Variants in HMCN1 observed in about 807,000 individuals in gnomAD.
HMCN1 encodes hemicentin 1, also known as hemicentin-1.
HMCN1 carries 321 observed loss-of-function variants against 625.9 expected under a neutral mutation model. That is an observed-to-expected ratio of 0.51 (90% CI 0.47 to 0.56). The LOEUF (loss-of-function observed/expected upper bound fraction) is 0.56. Among genes scored for constraint, HMCN1 ranks in the 20% least tolerant of loss-of-function variants. The pLI is 0.00. For synonymous variants in HMCN1, 2,425 were observed against 2,417.6 expected, an observed-to-expected ratio of 1.00 and a Z score of -0.09; for missense variants, 6,588 against 6,887.3, an observed-to-expected ratio of 0.96 and a Z score of 1.54.
intron 69 of HMCN1, among the ~76,000 whole-genome samples, chr1:186,106,143 A>G (rs1660596583): frequency 6.6e-6 from 1 of 152,222 alleles, no homozygotes; most frequent in Non-Finnish European, 1.5e-5. Context: ...GTAGTAAAAT[A>G]AATGAGAACA....
At chr1:186,023,528 T>C (rs1654861948) in intron 36 of HMCN1, among the ~76,000 whole-genome samples, 1 of 152,130 alleles carries the variant, frequency 6.6e-6, no homozygotes, top group African/African-American at 2.4e-5. Context: ...AAGGATTTAG[T>C]GAGTAGAAGC....
At chr1:185,829,152 G>A (rs1660701319) in intron 1 of HMCN1, among the ~76,000 whole-genome samples, 1 of 152,026 alleles carries the variant, frequency 6.6e-6, no homozygotes, top group African/African-American at 2.4e-5. Flanking sequence ...TGAACAATTT[G>A]AAAAATTGAA....
intron 1 of HMCN1, among the ~76,000 whole-genome samples, chr1:185,757,252 C>T (rs1262225385): frequency 1.3e-5 from 2 of 152,104 alleles, no homozygotes; most frequent in South Asian, 2.1e-4. Context: ...GGATTACAGG[C>T]GTGAGCCACT....
At chr1:185,780,970 C>G (rs1242332290) in intron 1 of HMCN1, among the ~76,000 whole-genome samples, 1 of 151,890 alleles carries the variant, frequency 6.6e-6, no homozygotes, top group Non-Finnish European at 1.5e-5. Flanking sequence ...TGTGAATCCA[C>G]CTGGTCCTGG....
intron 4 of HMCN1, among the ~76,000 whole-genome samples, chr1:185,895,040 C>T (rs979981400): frequency 2.0e-5 from 3 of 152,166 alleles, no homozygotes; most frequent in Admixed American, 6.5e-5. Context: ...ATGTGAATGC[C>T]TGGGAGTTGG....
At chr1:186,081,476 A>T (rs1659167650) in intron 56 of HMCN1, 82 bp downstream of exon 56, 1 of 946,292 alleles carries the variant, frequency 1.1e-6, no homozygotes, top group African/African-American at 1.7e-5. Context: ...TTTAAAAATA[A>T]TTTTTATTAG....
rs771269323 is a variant in HMCN1 at position 185,734,857 on chromosome 1, C to G, written c.78C>G (p.Pro26=). 1 of 1,614,070 alleles carries G rather than the reference C, an allele frequency of 6.2e-7. No individual in the cohort carries two copies. Among genetic ancestry groups the G allele is most frequent in the Non-Finnish European group, 8.5e-7 (1 of 1,179,934 alleles). The part of the protein sequence containing the change: ...LYSSLAQDAS[P]QSEIRAEEIP... The stretch of plus-strand genomic sequence containing the variant: ...CTTCCCTAGCTCAAGATGCGAGCCC[C>G]CAGTCAGAGATCAGAGCTGAGGAAA... Residue 26 remains proline (P), a synonymous_variant, in exon 1 of 107, where the codon CCC becomes CCG. Transcript: ENST00000271588.
chr1:185,878,687 C>T (rs1052586620), intron 4 of HMCN1, among the ~76,000 whole-genome samples: 2 of 152,048 alleles, frequency 1.3e-5, no homozygotes, highest in African/African-American at 4.8e-5. Flanking sequence ...TTATCGACTT[C>T]ATTTTTACAG....
At chr1:185,790,755 C>T (rs1657932601) in intron 1 of HMCN1, among the ~76,000 whole-genome samples, 1 of 152,200 alleles carries the variant, frequency 6.6e-6, no homozygotes, top group Non-Finnish European at 1.5e-5. Context: ...AAATGCCACA[C>T]ACATTCTCCG....
chr1:185,919,843 G>A (rs1275054518), intron 6 of HMCN1, among the ~76,000 whole-genome samples: 2 of 152,130 alleles, frequency 1.3e-5, no homozygotes, highest in African/African-American at 2.4e-5. Flanking sequence ...AGGGACTTTT[G>A]TGAGGATTAA....
rs950102405 is a variant in HMCN1, at chr1:186,164,797, C to A, written c.15257-314C>A. On this transcript the variant is annotated intron_variant, in intron 97 of 106. Transcript: ENST00000271588. ...CAATGGCTGGAAGAACAGGACTTTG[C>A]CCATGGTTATGCCTGGCATATACAT... is the stretch of plus-strand genomic sequence containing the variant. Among the ~76,000 whole-genome samples, 4 of 152,276 alleles carry A rather than the reference C, an allele frequency of 2.6e-5. No homozygotes were observed. The South Asian group carries it at 8.3e-4, about 32-fold the overall frequency.
chr1:185,922,309 C>G, intron 6 of HMCN1, 70 bp from the exon 7 acceptor site: 1 of 1,569,396 alleles, frequency 6.4e-7, no homozygotes. Context: ...GTTTCCCATA[C>G]TGGCGAGGGT....
intron 70 of HMCN1, 35 bp downstream of exon 70, chr1:186,107,000 C>A: frequency 8.0e-7 from 1 of 1,253,502 alleles, no homozygotes; most frequent in Non-Finnish European, 1.2e-6. Context: ...GTCTATCATA[C>A]ACACACCTAA....
At chr1:185,946,336 G>A (rs1341099645) in intron 11 of HMCN1, among the ~76,000 whole-genome samples, 1 of 151,808 alleles carries the variant, frequency 6.6e-6, no homozygotes, top group African/African-American at 2.4e-5. Flanking sequence ...CCTTTTTTGA[G>A]CACTATAACC....
At chr1:185,932,594 A>T (rs1306718478) in intron 10 of HMCN1, among the ~76,000 whole-genome samples, 1 of 152,166 alleles carries the variant, frequency 6.6e-6, no homozygotes, top group African/African-American at 2.4e-5. Flanking sequence ...ATTCACTCTC[A>T]AAACTAACTA....
rs147547755 is a variant in HMCN1, at chr1:186,114,919, C to A, written c.11377C>A (p.Arg3793Ser). The A allele has an allele frequency of 2.5e-6, 4 of 1,614,134 alleles. No homozygotes were observed. Among genetic ancestry groups the A allele is most frequent in the East Asian group, 4.5e-5 (2 of 44,874 alleles). ...GGCCACCAATGCTGCTGGAACAGATCGCAGGCGAATAGATTTACAGGTCCA... is the reference window on the plus strand; with the variant it reads ...GGCCACCAATGCTGCTGGAACAGATAGCAGGCGAATAGATTTACAGGTCCA... The part of the protein sequence containing the change: ...CMATNAAGTD[R>S]RRIDLQVHVP... The change falls in exon 74 of 107, where the codon CGC becomes AGC. Residue 3793 changes from arginine to serine, a missense_variant. Transcript: ENST00000271588.
intron 4 of HMCN1, among the ~76,000 whole-genome samples, chr1:185,877,082 G>A (rs1161355078): frequency 6.6e-6 from 1 of 151,812 alleles, no homozygotes; most frequent in Non-Finnish European, 1.5e-5. Context: ...GTTGATTTTT[G>A]TATATTGTAA....
chr1:186,104,454 A>G (rs1389105307), intron 69 of HMCN1, among the ~76,000 whole-genome samples: 1 of 152,214 alleles, frequency 6.6e-6, no homozygotes, highest in Non-Finnish European at 1.5e-5. Context: ...TAGAATAACA[A>G]ATTATTTGAT....
chr1:185,995,033 G>A lies in HMCN1; in HGVS notation c.3724G>A (p.Val1242Ile). 6.2e-7 allele frequency: 1 copy of A among 1,613,642 alleles called. No homozygotes were observed. The highest frequency in any genetic ancestry group is 8.5e-7 in the Non-Finnish European group (1 of 1,179,684). Residue 1242 changes from valine (V) to isoleucine (I), a missense_variant, in exon 24 of 107, where the codon GTT becomes ATT. By Grantham distance (29) the Val-to-Ile change is conservative. This residue lies in a region of HMCN1 where 4,628 missense variants were observed against 4,853.1 expected (regional missense o/e 0.95). Coordinates refer to ENST00000271588, the MANE Select transcript of HMCN1 (RefSeq NM_031935.3). The part of the protein sequence containing the change: ...TPSDAGIYTC[V>I]ATNIAGTDET... ...CTCAGATGCTGGCATATATACATGT[G>A]TTGCTACTAACATAGCAGGCACTGA...
Sources: gnomAD v4.1 joint callset for allele counts (sites outside exome capture counted in the v4.1 genomes callset) on GRCh38, gnomAD v4.1.1 for gene constraint, gnomAD v4.1.1 regional missense constraint, MANE v1.5 for transcripts, NCBI Gene and HGNC (gene_info 2026-07-23, HGNC 2026-07-21) for gene names.